PKP1: variants seen among roughly 807,000 people sequenced by gnomAD.
PKP1 encodes the protein plakophilin 1.
A neutral mutation model predicts 76.4 loss-of-function variants in PKP1; 27 were observed. The observed-to-expected ratio is 0.35, with a 90% confidence interval of 0.26 to 0.49. The LOEUF (loss-of-function observed/expected upper bound fraction) is 0.49. Ranked by LOEUF, PKP1 falls within the 20% of genes least tolerant of loss-of-function variation. The pLI, the probability that PKP1 is intolerant of heterozygous loss-of-function variation, is 0.99. For synonymous variants in PKP1, 404 were observed against 384.2 expected (o/e 1.05, Z -0.60); for missense variants, 964 against 955.2 (o/e 1.01, Z -0.12).
At chr1:201,329,032 A>T (rs536125901) in intron 13 of PKP1, among the ~76,000 whole-genome samples, 164 bp downstream of exon 13, 18 of 152,112 alleles carry the variant, frequency 1.2e-4, no homozygotes, top group African/African-American at 4.3e-4. Flanking sequence ...CTGGGGGCGT[A>T]GTTTGTCCCA....
At chr1:201,301,261 G>A (rs1656219812) in intron 2 of PKP1, among the ~76,000 whole-genome samples, 1 of 152,208 alleles carries the variant, frequency 6.6e-6, no homozygotes, top group South Asian at 2.1e-4. Flanking sequence ...GGGACTCAGT[G>A]TGGCAGCTGC....
intron 12 of PKP1, among the ~76,000 whole-genome samples, chr1:201,326,899 C>T (rs1241800363): frequency 1.3e-5 from 2 of 152,184 alleles, no homozygotes; most frequent in Non-Finnish European, 2.9e-5. Flanking sequence ...GTGCAGGGTG[C>T]CAGAAGGGGC....
intron 1 of PKP1, among the ~76,000 whole-genome samples, chr1:201,285,401 T>A (rs1655702011): frequency 6.6e-6 from 1 of 152,148 alleles, no homozygotes; most frequent in Admixed American, 6.5e-5. Flanking sequence ...TAAAGGCCTT[T>A]GCTTCTCTGT....
chr1:201,288,135 C>T (rs894795082), intron 1 of PKP1, among the ~76,000 whole-genome samples: 11 of 152,156 alleles, frequency 7.2e-5, no homozygotes, highest in South Asian at 2.1e-4. Context: ...ACCTGGTGTG[C>T]GATCTTGGAC....
In PKP1 at chr1:201,318,758, G is replaced by T; in HGVS notation, c.1195G>T (p.Asp399Tyr). 2 of 1,610,382 alleles carry T rather than the reference G, an allele frequency of 1.2e-6. No individual in the cohort carries two copies. Among genetic ancestry groups the T allele is most frequent in the East Asian group, 2.2e-5 (1 of 44,822 alleles). Reference sequence around the variant, plus strand: ...TAGCAACATGTCCCGGGAAGTGGTGGACCCTGAGGTCTTCTTCAATGCCAC... The same window carrying T: ...TAGCAACATGTCCCGGGAAGTGGTGTACCCTGAGGTCTTCTTCAATGCCAC... ...GNSNMSREVV[D>Y]PEVFFNATGC... The change falls in exon 6 of 14, where the codon GAC becomes TAC. Residue 399 changes from aspartate to tyrosine, a missense_variant. Coordinates refer to ENST00000367324, the MANE Select transcript of PKP1 (RefSeq NM_001005337.3).
Position 201,324,514 on chromosome 1 carries a change from T to A in PKP1, c.1767T>A (p.Asp589Glu), listed in dbSNP as rs1657048950. 1.2e-6 allele frequency: 2 copies of A among 1,614,010 alleles called. No homozygotes were observed. Among genetic ancestry groups the A allele is most frequent in the Non-Finnish European group, 1.7e-6 (2 of 1,180,012 alleles). Residue 589 changes from aspartate to glutamate, a missense_variant, in exon 10 of 14, where the codon GAT (aspartate) becomes GAA (glutamate). By Grantham distance (45) the Asp-to-Glu change is conservative. Coordinates refer to ENST00000367324, the MANE Select transcript of PKP1 (RefSeq NM_001005337.3). ...GCCTCCTGCAATCTGGCAACTCTGA[T>A]GTGGTGCGGTCCGGAGCCTCCCTCC... ...IARLLQSGNS[D>E]VVRSGASLLS... is the part of the protein sequence containing the mutation.
At position 201,325,797 on chromosome 1, in the gene PKP1, G is replaced by C. The variant is rs1657103040; in HGVS notation, c.2065G>C (p.Asp689His). 6.2e-7 allele frequency: 1 copy of C among 1,614,000 alleles called. No individual in the cohort carries two copies. The change falls in exon 12 of 14, where the codon GAC becomes CAC. Residue 689 changes from aspartate to histidine, a missense_variant. Asp to His is a moderately conservative substitution (Grantham distance 81, BLOSUM62 -1). Transcript: ENST00000367324. ...AAEAARLLLSDMWSSKELQGV... is the reference protein window; with the variant it reads ...AAEAARLLLSHMWSSKELQGV... ...AGAAGCTGCCCGGCTTCTCCTGTCT[G>C]ACATGTGGTCCAGCAAGGAACTGCA...
At chr1:201,296,950 C>T (rs983353732) in intron 2 of PKP1, among the ~76,000 whole-genome samples, 19 of 152,164 alleles carry the variant, frequency 1.2e-4, no homozygotes, top group African/African-American at 4.6e-4. Context: ...AGCTTTGTCA[C>T]CTCCTATACA....
chr1:201,309,240 G>A (rs1656461853), intron 2 of PKP1, among the ~76,000 whole-genome samples: 1 of 151,874 alleles, frequency 6.6e-6, no homozygotes, highest in Non-Finnish European at 1.5e-5. Flanking sequence ...GAATAGAGGG[G>A]AGCTTTCAGT....
intron 13 of PKP1, among the ~76,000 whole-genome samples, 180 bp from the exon 14 acceptor site, chr1:201,329,894 C>A (rs1441029407): frequency 6.6e-6 from 1 of 152,190 alleles, no homozygotes; most frequent in Non-Finnish European, 1.5e-5. Flanking sequence ...GCAGACAAAG[C>A]TGACAAGCTT....
chr1:201,283,863 C>T lies in PKP1; in HGVS notation c.161C>T (p.Ser54Phe). 6.2e-7 allele frequency: 1 copy of T among 1,614,178 alleles called. No homozygotes were observed. Among genetic ancestry groups the T allele is most frequent in the Non-Finnish European group, 8.5e-7 (1 of 1,180,002 alleles). Residue 54 changes from serine to phenylalanine, a missense_variant, in exon 1 of 14, where the codon TCC becomes TTC. Physicochemically the swap from Ser to Phe is radical, Grantham distance 155. Coordinates refer to ENST00000367324, the MANE Select transcript of PKP1 (RefSeq NM_001005337.3). ...ATGATGACCGTCAAGCGGCAGAAGT[C>T]CAAGTCTTCCCAGTCGTCCACCCTG... ...QVMMTVKRQK[S>F]KSSQSSTLSH...
chr1:201,293,116 A>G (rs1655968596), intron 1 of PKP1, among the ~76,000 whole-genome samples: 1 of 152,140 alleles, frequency 6.6e-6, no homozygotes, highest in Non-Finnish European at 1.5e-5. Flanking sequence ...GCCTGTCACC[A>G]TTGGCCATAT....
Position 201,328,851 on chromosome 1 carries a change from A to G in PKP1, c.*15A>G. The G allele has an allele frequency of 6.2e-7, 1 of 1,609,198 alleles. No homozygotes were observed. The highest frequency in any genetic ancestry group is 8.5e-7 in the Non-Finnish European group (1 of 1,175,480). On this transcript the variant is annotated 3_prime_UTR_variant, in exon 13 of 14. Transcript: ENST00000367324. ...CCCGATTCTAAGAAGAGACTGTCCA[A>G]GCAAGTTAGGCTTGCAGGTAAGAAT...
At position 201,325,776 on chromosome 1, in the gene PKP1, G is replaced by A. The variant is rs1296476154; in HGVS notation, c.2044G>A (p.Ala682Thr). The change falls in exon 12 of 14, where the codon GCT becomes ACT. Residue 682 changes from alanine (A) to threonine (T), a missense_variant. Physicochemically the swap from Ala to Thr is moderately conservative, Grantham distance 58. Transcript: ENST00000367324. ...RSSASPKAAE[A>T]ARLLLSDMWS... ...CAGTGCCTCACCCAAGGCCGCAGAA[G>A]CTGCCCGGCTTCTCCTGTCTGACAT... is the stretch of plus-strand genomic sequence containing the variant. The A allele has an allele frequency of 1.2e-6, 2 of 1,613,982 alleles. No individual in the cohort carries two copies. The highest frequency in any genetic ancestry group is 2.7e-5 in the African/African-American group (2 of 74,926).
intron 2 of PKP1, among the ~76,000 whole-genome samples, chr1:201,296,106 G>T (rs1656061377): frequency 6.6e-6 from 1 of 152,190 alleles, no homozygotes; most frequent in African/African-American, 2.4e-5. Context: ...ATGACTCATG[G>T]CAGGGTAGCT....
At chr1:201,293,884 A>G in intron 1 of PKP1, 58 bp from the exon 2 acceptor site, 1 of 1,114,736 alleles carries the variant, frequency 9.0e-7, no homozygotes, top group South Asian at 1.3e-5. Context: ...GCCCTGAGGA[A>G]CAGGGGTGGA....
intron 1 of PKP1, among the ~76,000 whole-genome samples, chr1:201,286,426 A>G (rs1357864695): frequency 6.6e-6 from 1 of 152,164 alleles, no homozygotes; most frequent in Non-Finnish European, 1.5e-5. Context: ...AGGACCAGCC[A>G]TCCTTGGTCC....
At position 201,318,808 on chromosome 1, in the gene PKP1, G is replaced by T; in HGVS notation, c.1232+13G>T. The T allele has an allele frequency of 6.3e-7, 1 of 1,581,978 alleles. No individual in the cohort carries two copies. The highest frequency in any genetic ancestry group is 8.6e-7 in the Non-Finnish European group (1 of 1,163,688). The stretch of plus-strand genomic sequence containing the variant: ...CAGGCTGCTTGAGGTGAGAGAAGAG[G>T]ATACATGGGGTCTTTTTGTCCCAGC... On this transcript the variant is annotated intron_variant, in intron 6 of 13. Transcript: ENST00000367324.
chr1:201,319,415 G>A (rs1656866308), intron 6 of PKP1, among the ~76,000 whole-genome samples: 1 of 152,098 alleles, frequency 6.6e-6, no homozygotes, highest in Admixed American at 6.6e-5. Context: ...TCTTTAATGG[G>A]GTTTGTCTTG....
Sources: gnomAD v4.1 joint callset for allele counts (sites outside exome capture counted in the v4.1 genomes callset) on GRCh38, gnomAD v4.1.1 for gene constraint, MANE v1.5 for transcripts, NCBI Gene and HGNC (gene_info 2026-07-23, HGNC 2026-07-21) for gene names.